Variants in SCRG1 observed in about 807,000 individuals in gnomAD.
SCRG1 encodes the protein scrapie-responsive protein 1.
In SCRG1, 3 loss-of-function variants were observed where a neutral mutation model predicts 7.7. The observed-to-expected ratio is 0.39, with a 90% CI of 0.18 to 1.01. The LOEUF is 1.01. Ranked by LOEUF, SCRG1 falls within the 50% of genes least tolerant of loss-of-function variation. The probability of loss-of-function intolerance (pLI) is 0.36; values close to 1 mark genes in which losing one functional copy is unlikely to be tolerated. For synonymous variants in SCRG1, 46 were observed against 41.2 expected (o/e 1.12, Z -0.44); for missense variants, 110 against 117.2 (o/e 0.94, Z 0.28).
At chr4:173,432,061 A>G in the SCRG1 span, among the ~76,000 whole-genome samples, 2 of 152,234 alleles carry the variant, frequency 1.3e-5, no homozygotes, top group Admixed American at 6.5e-5. Flanking sequence ...TAAAAGCCAG[A>G]TTAGCATAAC....
At chr4:173,450,251 A>G in the SCRG1 span, among the ~76,000 whole-genome samples, 1 of 152,152 alleles carries the variant, frequency 6.6e-6, no homozygotes, top group Non-Finnish European at 1.5e-5. Context: ...CCATGAGGGA[A>G]ACCGCCCCCA....
At chr4:173,431,874 A>G in the SCRG1 span, among the ~76,000 whole-genome samples, 2 of 152,254 alleles carry the variant, frequency 1.3e-5, no homozygotes, top group Non-Finnish European at 2.9e-5. Context: ...TGTTGAAGAC[A>G]TGTGATGGTT....
At chr4:173,473,480 GC>G in the SCRG1 span, among the ~76,000 whole-genome samples, 1 of 152,216 alleles carries the variant, frequency 6.6e-6, no homozygotes, top group African/African-American at 2.4e-5. Flanking sequence ...CAGTAGGAGT[GC>G]CCATGGAGGG....
At chr4:173,412,002 A>G in the SCRG1 span, among the ~76,000 whole-genome samples, 1 of 151,858 alleles carries the variant, frequency 6.6e-6, no homozygotes, top group Admixed American at 6.6e-5. Context: ...CCCATCTACA[A>G]CCCTGTCACT....
chr4:173,463,644 A>G, the SCRG1 span, among the ~76,000 whole-genome samples: 7 of 152,280 alleles, frequency 4.6e-5, no homozygotes, highest in African/African-American at 1.7e-4. Context: ...CTTATTCTTT[A>G]TCTGGTGGTC....
the SCRG1 span, among the ~76,000 whole-genome samples, chr4:173,505,341 G>T: frequency 1.3e-4 from 20 of 152,126 alleles, no homozygotes; most frequent in Non-Finnish European, 1.9e-4. The surrounding 1 kb of genome is among the most constrained non-coding windows in gnomAD (Gnocchi z 4.4). Context: ...GGCCCAAAAG[G>T]CAGGGATGTG....
chr4:173,397,773 G>A (rs1366120618), intron 1 of SCRG1, among the ~76,000 whole-genome samples: 1 of 152,204 alleles, frequency 6.6e-6, no homozygotes, highest in Non-Finnish European at 1.5e-5. Context: ...GACATTTATG[G>A]TGCAAATGCT....
the SCRG1 span, among the ~76,000 whole-genome samples, chr4:173,510,192 G>C: frequency 1.3e-5 from 2 of 152,058 alleles, no homozygotes; most frequent in Non-Finnish European, 2.9e-5. The surrounding 1 kb of genome is among the most constrained non-coding windows in gnomAD (Gnocchi z 5.7). Context: ...TGTAATCCAG[G>C]ATCTGGCTCC....
exon 2 of SCRG1, chr4:173,404,431 T>TTC (rs1212233595): frequency 6.6e-6 from 1 of 152,238 alleles, no homozygotes; most frequent in African/African-American, 2.4e-5. Flanking sequence ...GAATGGTGTT[T>TTC]TCTACAAAGT....
At chr4:173,482,180 C>A in the SCRG1 span, among the ~76,000 whole-genome samples, 1 of 152,080 alleles carries the variant, frequency 6.6e-6, no homozygotes, top group African/African-American at 2.4e-5. Flanking sequence ...AGTTATAAAA[C>A]CTGAATGATA....
the SCRG1 span, among the ~76,000 whole-genome samples, chr4:173,460,063 G>T: frequency 6.6e-6 from 1 of 152,002 alleles, no homozygotes; most frequent in African/African-American, 2.4e-5. Flanking sequence ...CCCCGCCACC[G>T]CCCTGCAAGG....
At chr4:173,396,782 CAG>C (rs1189065960) in intron 1 of SCRG1, among the ~76,000 whole-genome samples, 3 of 145,730 alleles carry the variant, frequency 2.1e-5, no homozygotes, top group Non-Finnish European at 3.0e-5. Flanking sequence ...TGGCCCAGCA[CAG>C]TGGCTCACAC....
At chr4:173,492,628 A>G in the SCRG1 span, among the ~76,000 whole-genome samples, 2 of 152,264 alleles carry the variant, frequency 1.3e-5, no homozygotes, top group African/African-American at 4.8e-5. Context: ...AGTCAGCGGC[A>G]ACCATCAGAG....
chr4:173,392,742 C>T (rs532849420), intron 1 of SCRG1, among the ~76,000 whole-genome samples: 1 of 152,286 alleles, frequency 6.6e-6, no homozygotes, highest in East Asian at 1.9e-4. Context: ...AAGTATCTTT[C>T]CTTCCTTGGA....
chr4:173,473,323 A>G, the SCRG1 span, among the ~76,000 whole-genome samples: 1 of 152,320 alleles, frequency 6.6e-6, no homozygotes, highest in East Asian at 1.9e-4. Context: ...CTGACCACAC[A>G]TCGTATTAGC....
the SCRG1 span, among the ~76,000 whole-genome samples, chr4:173,434,830 C>CTAAA: frequency 3.5e-4 from 54 of 152,168 alleles, no homozygotes; most frequent in South Asian, 8.3e-3. Flanking sequence ...GACTCCGTCT[C>CTAAA]TAAATAAATA....
chr4:173,470,658 T>C, the SCRG1 span, among the ~76,000 whole-genome samples: 1 of 152,240 alleles, frequency 6.6e-6, no homozygotes, highest in Non-Finnish European at 1.5e-5. Context: ...AAGGAAATTA[T>C]CTGAATTAAG....
At chr4:173,499,679 G>A in the SCRG1 span, among the ~76,000 whole-genome samples, 8 of 152,146 alleles carry the variant, frequency 5.3e-5, no homozygotes, top group Non-Finnish European at 1.2e-4. The surrounding 1 kb of genome is among the most constrained non-coding windows in gnomAD (Gnocchi z 4.1). Flanking sequence ...TCCTTTCCTA[G>A]GACAGATTCA....
chr4:173,511,638 C>T, the SCRG1 span, among the ~76,000 whole-genome samples: 37 of 152,112 alleles, frequency 2.4e-4, no homozygotes, highest in South Asian at 4.1e-4. This position sits in a 1 kb window ranked among gnomAD's most constrained non-coding sequence, Gnocchi z 5.2. Flanking sequence ...AGACCTGAGT[C>T]TTCTCATCTG....
Sources: allele counts gnomAD v4.1 joint callset (sites outside exome capture counted in the v4.1 genomes callset), GRCh38; gene constraint gnomAD v4.1.1; non-coding constraint Gnocchi (gnomAD v3.1); transcripts MANE v1.5; gene names NCBI Gene and HGNC (gene_info 2026-07-23, HGNC 2026-07-21).